Variants in TDRD9 observed in about 807,000 individuals in gnomAD.
TDRD9 encodes the protein tudor domain containing 9, also known as ATP-dependent RNA helicase TDRD9.
Under a neutral mutation model 172.6 loss-of-function variants are expected in TDRD9, and 124 were observed. That is an observed-to-expected ratio of 0.72 (90% CI 0.62 to 0.83). The LOEUF is 0.83. Ranked by LOEUF, TDRD9 falls within the 40% of genes least tolerant of loss-of-function variation. The pLI is 0.00. For missense variants in TDRD9, 1,479 were observed against 1,714.1 expected, an observed-to-expected ratio of 0.86 and a Z score of 2.42; for synonymous variants, 619 against 617.1, an observed-to-expected ratio of 1.00 and a Z score of -0.05.
At chr14:104,006,309 T>G in intron 15 of TDRD9, 80 bp from the exon 16 acceptor site, 1 of 1,171,572 alleles carries the variant, frequency 8.5e-7, no homozygotes, top group African/African-American at 1.5e-5. Flanking sequence ...CTTTGTTTCC[T>G]GTTTTGGACT....
In TDRD9 at chr14:103,997,438, C is replaced by T. The variant is rs4906397; in HGVS notation, c.1379-1186C>T. ...GAGACTGGGAGGATGGAGGCTCCTG[C>T]GAGATGGTGAAGGCTGTGGAAGGAG... On this transcript the variant is annotated intron_variant, in intron 12 of 35. Coordinates refer to ENST00000409874, the MANE Select transcript of TDRD9 (RefSeq NM_153046.3). The surrounding 1 kb of genome is among the most constrained non-coding windows in gnomAD (Gnocchi z 5.1). Among the ~76,000 whole-genome samples the T allele has an allele frequency of 0.33, 50,233 of 151,958 alleles. 8,488 individuals are homozygous for T. Among genetic ancestry groups the T allele is most frequent in the Middle Eastern group, 0.37 (108 of 294 alleles).
Position 104,031,246 on chromosome 14 carries a change from G to C in TDRD9, c.3421G>C (p.Gly1141Arg). The change falls in exon 29 of 36, where the codon GGT becomes CGT. Residue 1141 changes from glycine (G) to arginine (R), a missense_variant. Coordinates refer to ENST00000409874, the MANE Select transcript of TDRD9 (RefSeq NM_153046.3). ...LLESFSTNKLGTPNCKAELHG... is the reference protein window; with the variant it reads ...LLESFSTNKLRTPNCKAELHG... The stretch of plus-strand genomic sequence containing the variant: ...AGAGAGCTTTTCTACCAATAAACTG[G>C]GTACTCCAAACTGTAAGGTGATTGT... 2 of 1,551,196 alleles carry C rather than the reference G, an allele frequency of 1.3e-6. No homozygotes were observed. Among genetic ancestry groups the C allele is most frequent in the Non-Finnish European group, 1.7e-6 (2 of 1,146,812 alleles).
At chr14:103,959,733 G>A (rs767484599) in intron 2 of TDRD9, among the ~76,000 whole-genome samples, 1 of 152,118 alleles carries the variant, frequency 6.6e-6, no homozygotes, top group Non-Finnish European at 1.5e-5. Flanking sequence ...CCCATTCAGT[G>A]AATTTCTATC....
chr14:103,974,660 A>G (rs1039691565), intron 6 of TDRD9, among the ~76,000 whole-genome samples: 30 of 152,068 alleles, frequency 2.0e-4, no homozygotes, highest in African/African-American at 7.0e-4. Flanking sequence ...TTGTTTTTAG[A>G]AACAGGATCT....
chr14:103,956,111 AATATATATAT>A (rs1173008862), intron 2 of TDRD9, among the ~76,000 whole-genome samples: 1,096 of 18,320 alleles, frequency 0.06, 68 homozygotes, highest in East Asian at 0.17. Context: ...AAAAAAAAAA[AATATATATAT>A]ATATATATAT....
chr14:103,929,529 C>G (rs1464095179), intron 1 of TDRD9, among the ~76,000 whole-genome samples: 1 of 151,788 alleles, frequency 6.6e-6, no homozygotes, highest in Non-Finnish European at 1.5e-5. Context: ...AGTTCTCCCC[C>G]CACCCCCCGA....
chr14:104,005,441 G>T (rs765089861), intron 15 of TDRD9, 36 bp downstream of exon 15: 7 of 1,611,414 alleles, frequency 4.3e-6, no homozygotes, highest in Non-Finnish European at 5.9e-6. Context: ...GTTGGCATCT[G>T]TAGAGCTGTG....
rs1566771643 is a variant in TDRD9, at chr14:103,999,643, A to ACATTTAATCTTTTAAGCTTCCT, written c.1483+915_1483+916insCATTTAATCTTTTAAGCTTCCT. 1.5e-5 allele frequency among the ~76,000 whole-genome samples: 2 copies of ACATTTAATCTTTTAAGCTTCCT among 130,572 alleles called. 1 individual carries two copies. The highest frequency in any genetic ancestry group is 3.3e-5 in the Non-Finnish European group (2 of 59,774). The allele number at this position is 130,572 out of a possible 152,430, so 85.7% of individuals were successfully genotyped here. A position where few individuals can be genotyped will look rare whatever the true frequency, so the allele number is the denominator to read the frequency against. On this transcript the variant is annotated intron_variant, in intron 13 of 35. Transcript: ENST00000409874. ...GCTTTTTTTTTTGTTTGTTTTTTAGAAAACCTTTTGGGAAGGGTAGATAAA... is the reference window on the plus strand; with the variant it reads ...GCTTTTTTTTTTGTTTGTTTTTTAGACATTTAATCTTTTAAGCTTCCTAAACCTTTTGGGAAGGGTAGATAAA...
At chr14:103,995,713 A>C (rs751947027) in intron 11 of TDRD9, 37 bp from the exon 12 acceptor site, 1 of 1,550,592 alleles carries the variant, frequency 6.4e-7, no homozygotes, top group Non-Finnish European at 8.7e-7. Flanking sequence ...TTCGGAATAT[A>C]GTAGGAATGT....
At chr14:104,014,365 T>C (rs2034717183) in intron 20 of TDRD9, among the ~76,000 whole-genome samples, 1 of 151,808 alleles carries the variant, frequency 6.6e-6, no homozygotes, top group Non-Finnish European at 1.5e-5. Context: ...CTGCAACCGC[T>C]GCCCTCCAGT....
intron 12 of TDRD9, 34 bp downstream of exon 12, chr14:103,995,841 G>A (rs748088882): frequency 1.9e-6 from 3 of 1,556,798 alleles, no homozygotes; most frequent in South Asian, 1.2e-5. Flanking sequence ...CCTGGCATTA[G>A]CTGTAGTGCC....
At chr14:103,995,673 T>C (rs1374815216) in intron 11 of TDRD9, 77 bp from the exon 12 acceptor site, 1 of 1,307,294 alleles carries the variant, frequency 7.6e-7, no homozygotes, top group Non-Finnish European at 1.0e-6. Flanking sequence ...AAAATAATTT[T>C]TGCATTTTTG....
At chr14:103,995,039 A>T (rs186639614) in intron 11 of TDRD9, among the ~76,000 whole-genome samples, 50 of 152,076 alleles carry the variant, frequency 3.3e-4, no homozygotes, top group African/African-American at 1.1e-3. Flanking sequence ...TTACCTAATG[A>T]GCCAGGTATG....
At chr14:103,941,466 G>T in intron 1 of TDRD9, 1 of 1,535,338 alleles carries the variant, frequency 6.5e-7, no homozygotes, top group South Asian at 1.2e-5. Context: ...TCTTTGTTCA[G>T]TCACTGGGAT....
intron 27 of TDRD9, 71 bp from the exon 28 acceptor site, chr14:104,026,608 T>G (rs111711530): frequency 3.9e-6 from 6 of 1,540,520 alleles, no homozygotes; most frequent in African/African-American, 2.7e-5. Flanking sequence ...AGGTCTGTTT[T>G]CAGTGGTATT....
At chr14:104,031,905 T>C in intron 29 of TDRD9, 112 bp from the exon 30 acceptor site, 1 of 711,004 alleles carries the variant, frequency 1.4e-6, no homozygotes, top group Non-Finnish European at 2.3e-6. Flanking sequence ...ACATTATGAA[T>C]GAGATGTCTT....
At chr14:104,014,453 A>AT (rs939053091) in intron 20 of TDRD9, among the ~76,000 whole-genome samples, 6 of 151,172 alleles carry the variant, frequency 4.0e-5, no homozygotes, top group East Asian at 3.9e-4. Context: ...CTAACTTTGT[A>AT]TTTTTTTTGT....
intron 11 of TDRD9, among the ~76,000 whole-genome samples, chr14:103,995,223 C>T (rs1214569977): frequency 6.6e-6 from 1 of 152,180 alleles, no homozygotes; most frequent in African/African-American, 2.4e-5. Flanking sequence ...AAGCCATATT[C>T]TAGGTCCTGC....
intron 20 of TDRD9, among the ~76,000 whole-genome samples, chr14:104,012,231 G>A (rs1183878389): frequency 6.6e-6 from 1 of 152,192 alleles, no homozygotes; most frequent in Admixed American, 6.5e-5. Context: ...CTTTTGTGTG[G>A]CCCAAGGCCC....
Sources: allele counts gnomAD v4.1 joint callset (sites outside exome capture counted in the v4.1 genomes callset), GRCh38; gene constraint gnomAD v4.1.1; non-coding constraint Gnocchi (gnomAD v3.1); transcripts MANE v1.5; gene names NCBI Gene and HGNC (gene_info 2026-07-23, HGNC 2026-07-21).